Variants in PRICKLE4 observed in about 807,000 individuals in gnomAD.
PRICKLE4 encodes prickle-like protein 4.
A neutral mutation model predicts 43.5 loss-of-function variants in PRICKLE4; 40 were observed. That is an observed-to-expected ratio of 0.92 (90% CI 0.71 to 1.20). PRICKLE4 has a LOEUF of 1.20. Among genes scored for constraint, PRICKLE4 ranks in the 50% most tolerant of loss-of-function variants. The pLI is 0.00. For synonymous variants in PRICKLE4, 208 were observed against 197.4 expected (o/e 1.05, Z -0.45); for missense variants, 527 against 491.2 (o/e 1.07, Z -0.69).
At position 41,785,545 on chromosome 6, in the gene PRICKLE4, A is replaced by G. The variant is rs1388792949; in HGVS notation, c.582+5A>G. 6.2e-7 allele frequency: 1 copy of G among 1,611,508 alleles called. No individual in the cohort carries two copies. Among genetic ancestry groups the G allele is most frequent in the South Asian group, 1.1e-5 (1 of 91,048 alleles). Reference sequence around the variant, plus strand: ...CGCTGCCCGGCTTGTGACCAGGTACAGCCTGGAGGGGAGGAACTGGGGGTC... The same window carrying G: ...CGCTGCCCGGCTTGTGACCAGGTACGGCCTGGAGGGGAGGAACTGGGGGTC... On this transcript the variant is annotated splice_donor_5th_base_variant and intron_variant, in intron 6 of 7. Coordinates refer to ENST00000458694, the MANE Select transcript of PRICKLE4 (RefSeq NM_013397.6).
chr6:41,782,368 A>G (rs1024961015), intron 2 of PRICKLE4, among the ~76,000 whole-genome samples: 4 of 143,350 alleles, frequency 2.8e-5, no homozygotes, highest in Non-Finnish European at 6.0e-5. Context: ...CACTGTGCCC[A>G]GCCAATGGTC....
intron 7 of PRICKLE4, 131 bp from the exon 8 acceptor site, chr6:41,786,631 T>TCGG (rs753892282): frequency 4.9e-5 from 69 of 1,422,226 alleles, no homozygotes; most frequent in South Asian, 2.0e-4. Flanking sequence ...GCGAGGACTC[T>TCGG]CGGCGGCGGC....
At chr6:41,783,742 G>A (rs748046494) in intron 3 of PRICKLE4, 137 bp downstream of exon 3, 8 of 1,212,774 alleles carry the variant, frequency 6.6e-6, no homozygotes, top group Admixed American at 5.7e-5. Flanking sequence ...AGGAATTCCT[G>A]TCTCTGCACC....
intron 1 of PRICKLE4, 61 bp from the exon 2 acceptor site, chr6:41,781,289 G>T (rs1772549164): frequency 6.5e-6 from 1 of 152,700 alleles, no homozygotes; most frequent in Non-Finnish European, 1.5e-5. Flanking sequence ...TTGGAAGGGT[G>T]AGGAATAGAG....
At position 41,783,648 on chromosome 6, in the gene PRICKLE4, A is replaced by ATCCTGTGGAGTGGCCACCCTT. The variant is rs1561895689; in HGVS notation, c.132+45_132+65dup. The ATCCTGTGGAGTGGCCACCCTT allele has an allele frequency of 3.1e-6, 5 of 1,613,898 alleles. No individual in the cohort carries two copies. In the East Asian group the frequency reaches 1.1e-4, roughly 36 times the overall value. ...TTCCTCTGAGACCAACATGTCCTCT[A>ATCCTGTGGAGTGGCCACCCTT]TCCTGTGGAGTGGCCACCCTTTTCC... On this transcript the variant is annotated intron_variant, in intron 3 of 7. Coordinates refer to ENST00000458694, the MANE Select transcript of PRICKLE4 (RefSeq NM_013397.6).
chr6:41,785,260 A>G lies in PRICKLE4; in HGVS notation c.379-77A>G, dbSNP rs1297045081. 1.9e-6 allele frequency: 3 copies of G among 1,541,054 alleles called. No individual in the cohort carries two copies. In the African/African-American group the frequency reaches 4.1e-5, roughly 21 times the overall value. On this transcript the variant is annotated intron_variant, in intron 5 of 7. Transcript: ENST00000458694. ...TAGGGTATGGCGAGAACAGGTTGGG[A>G]TCGGATTGCAAGAGCAAGGAGGGAA...
At chr6:41,784,284 CA>C in intron 4 of PRICKLE4, 46 bp downstream of exon 4, 4 of 1,426,700 alleles carry the variant, frequency 2.8e-6, no homozygotes, top group Non-Finnish European at 3.9e-6. Flanking sequence ...TTCCCTCCCT[CA>C]TCTCTTTTCT....
chr6:41,784,934 G>A lies in PRICKLE4; in HGVS notation c.241-1G>A, dbSNP rs1406371205. ...GTAATTGTAGAGGACTGTTTCTGCA[G>A]GAGCGCTACTGCCTGGCCCTTGGGG... On this transcript the variant is annotated splice_acceptor_variant, in intron 4 of 7. Transcript: ENST00000458694. LOFTEE classifies it high-confidence loss of function. The A allele has an allele frequency of 1.2e-6, 2 of 1,613,890 alleles. No individual in the cohort carries two copies. The highest frequency in any genetic ancestry group is 1.3e-5 in the African/African-American group (1 of 75,034).
chr6:41,784,986 T>C lies in PRICKLE4; in HGVS notation c.292T>C (p.Phe98Leu). Residue 98 changes from phenylalanine to leucine, a missense_variant, in exon 5 of 8, where the codon TTC becomes CTC. Phe to Leu is a conservative substitution (Grantham distance 22, BLOSUM62 0). Transcript: ENST00000458694. ...GEEERAELQL[F>L]CARRKQEALG... ...GGAGGAGCGGGCCGAGCTGCAGCTC[T>C]TCTGTGCCAGGCGGAAGCAGGAAGC... 1.2e-6 allele frequency: 2 copies of C among 1,613,916 alleles called. No individual in the cohort carries two copies. The highest frequency in any genetic ancestry group is 2.7e-5 in the African/African-American group (2 of 75,044).
chr6:41,786,133 C>A lies in PRICKLE4; in HGVS notation c.588C>A (p.Ile196=), dbSNP rs753257294. ...TCTCCCTCTCCCTCTCCCAGCTGAT[C>A]TTCTCCTGGCGCTGCACCGAGGCGG... is the stretch of plus-strand genomic sequence containing the variant. ...RPRCPACDQL[I]FSWRCTEAEG... Residue 196 remains isoleucine (I), a synonymous_variant, in exon 7 of 8, where the codon ATC becomes ATA. Transcript: ENST00000458694. 6.2e-7 allele frequency: 1 copy of A among 1,613,356 alleles called. No individual in the cohort carries two copies. Among genetic ancestry groups the A allele is most frequent in the Non-Finnish European group, 8.5e-7 (1 of 1,179,578 alleles).
In PRICKLE4 at chr6:41,785,332, G is replaced by A; in HGVS notation, c.379-5G>A. On this transcript the variant is annotated splice_polypyrimidine_tract_variant and splice_region_variant and intron_variant, in intron 5 of 7. Transcript: ENST00000458694. ...CCGACCACCTCAGCACCTCCCCTCT[G>A]ACAGTGTAGGGAGCTGCTGAAGCCA... is the stretch of plus-strand genomic sequence containing the variant. 6.2e-7 allele frequency: 1 copy of A among 1,613,632 alleles called. No homozygotes were observed. Among genetic ancestry groups the A allele is most frequent in the Non-Finnish European group, 8.5e-7 (1 of 1,179,748 alleles).
At position 41,785,338 on chromosome 6, in the gene PRICKLE4, G is replaced by T. The variant is rs1031259826; in HGVS notation, c.380G>T (p.Cys127Phe). ...PKLEGHTCEK[C>F]RELLKPGEYG... ...ACCTCAGCACCTCCCCTCTGACAGTGTAGGGAGCTGCTGAAGCCAGGGGAG... is the reference window on the plus strand; with the variant it reads ...ACCTCAGCACCTCCCCTCTGACAGTTTAGGGAGCTGCTGAAGCCAGGGGAG... Residue 127 changes from cysteine (C) to phenylalanine (F), a missense_variant and splice_region_variant, in exon 6 of 8, where the codon TGT (cysteine) becomes TTT (phenylalanine). By Grantham distance (205) the Cys-to-Phe change is radical (BLOSUM62 -2). Transcript: ENST00000458694. 1.1e-5 allele frequency: 17 copies of T among 1,613,876 alleles called. No individual in the cohort carries two copies. Among genetic ancestry groups the T allele is most frequent in the Non-Finnish European group, 1.4e-5 (16 of 1,179,972 alleles).
chr6:41,786,868 T>A lies in PRICKLE4; in HGVS notation c.894T>A (p.Thr298=). Residue 298 remains threonine (T), a synonymous_variant, in exon 8 of 8, where the codon ACT becomes ACA. Coordinates refer to ENST00000458694, the MANE Select transcript of PRICKLE4 (RefSeq NM_013397.6). ...LAAAGGSSLQ[T]QRGLPGSSPQ... is the part of the protein sequence containing the mutation. Reference sequence around the variant, plus strand: ...CTGCCGGCGGTTCCAGCCTGCAAACTCAGAGGGGGCTGCCTGGATCCAGTC... The same window carrying A: ...CTGCCGGCGGTTCCAGCCTGCAAACACAGAGGGGGCTGCCTGGATCCAGTC... 6.2e-7 allele frequency: 1 copy of A among 1,605,392 alleles called. No homozygotes were observed.
At chr6:41,786,575 C>A in intron 7 of PRICKLE4, 187 bp from the exon 8 acceptor site, 1 of 1,137,900 alleles carries the variant, frequency 8.8e-7, no homozygotes, top group Non-Finnish European at 1.2e-6. Context: ...AGACTCCCTC[C>A]CAGGCGCGGG....
In PRICKLE4 at chr6:41,786,445, C is replaced by A. The variant is rs746928797; in HGVS notation, c.787+113C>A. 80 of 1,244,122 alleles carry A rather than the reference C, an allele frequency of 6.4e-5. No individual in the cohort carries two copies. The African/African-American group carries it at 9.7e-4, about 15-fold the overall frequency. 77.1% of individuals were successfully genotyped at this position (1,244,122 alleles called of 1,614,324 possible). On this transcript the variant is annotated intron_variant, in intron 7 of 7. Coordinates refer to ENST00000458694, the MANE Select transcript of PRICKLE4 (RefSeq NM_013397.6). Reference sequence around the variant, plus strand: ...ACGCCGTCCCGTCCCTCCAGGAGCGCCCCCACCGCACCCCCCAGACCCAAG... The same window carrying A: ...ACGCCGTCCCGTCCCTCCAGGAGCGACCCCACCGCACCCCCCAGACCCAAG...
chr6:41,782,144 T>C (rs963189817), intron 2 of PRICKLE4, among the ~76,000 whole-genome samples: 1 of 144,040 alleles, frequency 6.9e-6, no homozygotes, highest in Non-Finnish European at 1.5e-5. Context: ...CTCAGCTCAC[T>C]GCCACCTCTG....
chr6:41,784,700 C>G (rs187609463), intron 4 of PRICKLE4: 10 of 568,484 alleles, frequency 1.8e-5, no homozygotes, highest in Admixed American at 1.1e-4. Flanking sequence ...GGGCTAAGTG[C>G]TGTGGGCCTG....
rs984475927 is a variant in PRICKLE4, at chr6:41,785,360, G to A, written c.402G>A (p.Gly134=). Residue 134 remains glycine (G), a synonymous_variant, in exon 6 of 8, where the codon GGG becomes GGA. Coordinates refer to ENST00000458694, the MANE Select transcript of PRICKLE4 (RefSeq NM_013397.6). ...CEKCRELLKP[G]EYGVFAARAG... Reference sequence around the variant, plus strand: ...AGTGTAGGGAGCTGCTGAAGCCAGGGGAGTACGGAGTGTTTGCAGCCCGGG... The same window carrying A: ...AGTGTAGGGAGCTGCTGAAGCCAGGAGAGTACGGAGTGTTTGCAGCCCGGG... 1.4e-5 allele frequency: 22 copies of A among 1,613,966 alleles called. No individual in the cohort carries two copies. The highest frequency in any genetic ancestry group is 1.8e-5 in the Non-Finnish European group (21 of 1,180,006).
Position 41,787,383 on chromosome 6 carries a change from C to T in PRICKLE4, c.*254C>T, listed in dbSNP as rs1413111610. The T allele has an allele frequency of 9.6e-6, 6 of 627,390 alleles. No individual in the cohort carries two copies. The highest frequency in any genetic ancestry group is 1.6e-5 in the Non-Finnish European group (6 of 373,350). 38.9% of individuals were successfully genotyped at this position (627,390 alleles called of 1,614,324 possible). On this transcript the variant is annotated 3_prime_UTR_variant, in exon 8 of 8. Coordinates refer to ENST00000458694, the MANE Select transcript of PRICKLE4 (RefSeq NM_013397.6). ...GCTGAGATAGCCCCTACCCCCACCT[C>T]CACAGGCTGGGACAGCCCCGTCCCC...
Sources: gnomAD v4.1 joint callset for allele counts (sites outside exome capture counted in the v4.1 genomes callset) on GRCh38, gnomAD v4.1.1 for gene constraint, MANE v1.5 for transcripts, NCBI Gene and HGNC (gene_info 2026-07-23, HGNC 2026-07-21) for gene names.